IL1RAPL1: variants seen among roughly 807,000 people sequenced by gnomAD.
The protein encoded by IL1RAPL1 is interleukin-1 receptor accessory protein-like 1.
A neutral mutation model predicts 48.4 loss-of-function variants in IL1RAPL1; 3 were observed. The ratio of observed to expected loss-of-function variants is 0.06; its 90% confidence interval spans 0.03 to 0.16. The LOEUF is 0.16. IL1RAPL1 is among the 10% of genes least tolerant of loss of function. IL1RAPL1 has a pLI of 1.00. For missense variants in IL1RAPL1, 349 were observed against 530.6 expected (o/e 0.66, Z 3.36); for synonymous variants, 185 against 187.7 (o/e 0.99, Z 0.12).
In IL1RAPL1 at chrX:28,796,071, C is replaced by A. The variant is rs768366835; in HGVS notation, c.82+6646C>A. ...AAAAGAGAGCTTGTGCAGGGAAATTCCCGTTTTCAAAACCATCAGATCTTG... is the reference window on the plus strand; with the variant it reads ...AAAAGAGAGCTTGTGCAGGGAAATTACCGTTTTCAAAACCATCAGATCTTG... On this transcript the variant is annotated intron_variant, in intron 2 of 10. Coordinates refer to ENST00000378993, the MANE Select transcript of IL1RAPL1 (RefSeq NM_014271.4). Among the ~76,000 whole-genome samples, 16 of 111,385 alleles carry A rather than the reference C, an allele frequency of 1.4e-4. 1 individual carries two copies. The South Asian group carries it at 1.9e-3, about 13-fold the overall frequency.
At chrX:29,400,413 A>G (rs1471341669) in intron 5 of IL1RAPL1, among the ~76,000 whole-genome samples, 1 of 112,446 alleles carries the variant, frequency 8.9e-6, no homozygotes, top group Non-Finnish European at 1.9e-5. Flanking sequence ...AATTGCATTC[A>G]TACATTTTTT....
In IL1RAPL1 at chrX:29,074,972, A is replaced by G. The variant is rs913407441; in HGVS notation, c.83-207966A>G. Among the ~76,000 whole-genome samples the G allele has an allele frequency of 8.0e-5, 9 of 112,372 alleles. No individual in the cohort carries two copies. The Admixed American group carries it at 8.5e-4, about 11-fold the overall frequency. ...AACAGTTGGTTCATCAGAGATTTGA[A>G]CTGAGGTAAACAAAATTAGGTAGAT... On this transcript the variant is annotated intron_variant, in intron 2 of 10. Transcript: ENST00000378993.
chrX:29,632,349 C>G (rs1924803883), intron 5 of IL1RAPL1, among the ~76,000 whole-genome samples: 1 of 109,882 alleles, frequency 9.1e-6, no homozygotes, highest in African/African-American at 3.3e-5. Flanking sequence ...CGGGGTTTCA[C>G]TGTGTTAGCC....
chrX:28,977,627 G>C (rs1015934880), intron 2 of IL1RAPL1, among the ~76,000 whole-genome samples: 2 of 112,196 alleles, frequency 1.8e-5, no homozygotes, highest in Non-Finnish European at 3.8e-5. Context: ...GTTTCAAAAG[G>C]TGTTGAGAGG....
intron 6 of IL1RAPL1, among the ~76,000 whole-genome samples, chrX:29,749,101 A>G (rs1222291752): frequency 1.8e-5 from 2 of 112,146 alleles, no homozygotes; most frequent in Non-Finnish European, 3.8e-5. Context: ...GAGGGCATGC[A>G]GGAAGCAGCA....
chrX:29,687,276 T>C (rs952123923), intron 6 of IL1RAPL1, among the ~76,000 whole-genome samples: 2 of 112,187 alleles, frequency 1.8e-5, no homozygotes, highest in African/African-American at 6.5e-5. Context: ...GATGATTGGG[T>C]AATGAAAATA....
chrX:29,414,745 G>A (rs1479552823), intron 5 of IL1RAPL1, among the ~76,000 whole-genome samples: 1 of 111,291 alleles, frequency 9.0e-6, no homozygotes, highest in African/African-American at 3.3e-5. Flanking sequence ...CTTCATGTTG[G>A]CTCTCTACTT....
At chrX:29,045,785 G>A (rs949110170) in intron 2 of IL1RAPL1, among the ~76,000 whole-genome samples, 2 of 111,491 alleles carry the variant, frequency 1.8e-5, no homozygotes, top group Admixed American at 1.9e-4. Flanking sequence ...TGTTGTTTAG[G>A]TTGGCTTTTG....
intron 5 of IL1RAPL1, among the ~76,000 whole-genome samples, chrX:29,608,813 G>C (rs6630919): frequency 1.9e-5 from 2 of 106,585 alleles, no homozygotes; most frequent in Non-Finnish European, 3.9e-5. Flanking sequence ...GCGACAGAGC[G>C]AGACTCCGTC....
At chrX:29,794,014 AAAG>A (rs1252220318) in intron 6 of IL1RAPL1, among the ~76,000 whole-genome samples, 1 of 112,275 alleles carries the variant, frequency 8.9e-6, no homozygotes, top group African/African-American at 3.2e-5. Context: ...TGATTGAAGA[AAAG>A]AAGTAATGGG....
At chrX:29,665,403 TAA>T (rs1175278103) in intron 5 of IL1RAPL1, among the ~76,000 whole-genome samples, 1 of 112,673 alleles carries the variant, frequency 8.9e-6, no homozygotes, top group Non-Finnish European at 1.9e-5. Context: ...GTGCAGAAAA[TAA>T]AGAGGGTTTT....
chrX:28,984,938 G>A (rs181022856), intron 2 of IL1RAPL1, among the ~76,000 whole-genome samples: 8 of 111,832 alleles, frequency 7.2e-5, no homozygotes, highest in African/African-American at 2.6e-4. Flanking sequence ...TGAGTAGTAG[G>A]AGCACCTCAA....
At chrX:29,071,803 T>C (rs1927570843) in intron 2 of IL1RAPL1, among the ~76,000 whole-genome samples, 1 of 112,158 alleles carries the variant, frequency 8.9e-6, no homozygotes, top group South Asian at 3.7e-4. Flanking sequence ...GCACATGTCA[T>C]AAAATCTACT....
intron 2 of IL1RAPL1, among the ~76,000 whole-genome samples, chrX:28,862,766 A>G (rs1921977195): frequency 8.9e-6 from 1 of 112,683 alleles, no homozygotes; most frequent in South Asian, 3.7e-4. Flanking sequence ...GTAAAAAGCC[A>G]CAATTTGGAG....
chrX:28,929,666 T>C (rs1923830414), intron 2 of IL1RAPL1, among the ~76,000 whole-genome samples: 1 of 112,358 alleles, frequency 8.9e-6, no homozygotes, highest in Non-Finnish European at 1.9e-5. Context: ...GATTTTCACA[T>C]TTCCTGGTAT....
rs1245631816 is a variant in IL1RAPL1, at chrX:28,648,857, T to C, written c.-25+60810T>C. Among the ~76,000 whole-genome samples the C allele has an allele frequency of 4.5e-5, 5 of 111,843 alleles. No individual in the cohort carries two copies. In the South Asian group the frequency reaches 1.9e-3, roughly 42 times the overall value. On this transcript the variant is annotated intron_variant, in intron 1 of 10. Coordinates refer to ENST00000378993, the MANE Select transcript of IL1RAPL1 (RefSeq NM_014271.4). ...TCAGCCAGAAACTCAGGGAAAGTAA[T>C]GACAGTGGGATACAAAGTTACATTA...
intron 2 of IL1RAPL1, among the ~76,000 whole-genome samples, chrX:29,114,757 G>A (rs1356749288): frequency 9.1e-6 from 1 of 110,471 alleles, no homozygotes; most frequent in Admixed American, 9.7e-5. Flanking sequence ...AGCCGCCCGA[G>A]TAGCTGGGAT....
chrX:29,873,272 C>A (rs186217919), intron 6 of IL1RAPL1, among the ~76,000 whole-genome samples: 2 of 111,196 alleles, frequency 1.8e-5, no homozygotes, highest in East Asian at 5.7e-4. Context: ...TCTGTGGTTG[C>A]CAGAAGGAAT....
intron 2 of IL1RAPL1, among the ~76,000 whole-genome samples, chrX:29,241,402 T>C (rs1249736045): frequency 9.0e-6 from 1 of 111,551 alleles, no homozygotes; most frequent in African/African-American, 3.3e-5. Flanking sequence ...TTTTGCCTCA[T>C]TTCTCTCATT....
Sources: allele counts gnomAD v4.1 joint callset (sites outside exome capture counted in the v4.1 genomes callset), GRCh38; gene constraint gnomAD v4.1.1; transcripts MANE v1.5; gene names NCBI Gene and HGNC (gene_info 2026-07-23, HGNC 2026-07-21).